MTA3: variants seen among roughly 807,000 people sequenced by gnomAD.
MTA3 encodes metastasis associated 1 family member 3, also known as metastasis-associated protein MTA3.
MTA3 carries 34 observed loss-of-function variants against 83.5 expected under a neutral mutation model. That is an observed-to-expected ratio of 0.41 (90% CI 0.31 to 0.54). The LOEUF (loss-of-function observed/expected upper bound fraction) is 0.54. Ranked by LOEUF, MTA3 falls within the 20% of genes least tolerant of loss-of-function variation. The probability of loss-of-function intolerance (pLI) is 0.33; values close to 1 mark genes in which losing one functional copy is unlikely to be tolerated. For synonymous variants in MTA3, 303 were observed against 252.7 expected, an observed-to-expected ratio of 1.20 and a Z score of -1.89; for missense variants, 761 against 726.4, an observed-to-expected ratio of 1.05 and a Z score of -0.55.
chr2:42,550,229 C>T (rs1677051528), intron 2 of MTA3, among the ~76,000 whole-genome samples: 2 of 152,170 alleles, frequency 1.3e-5, no homozygotes, highest in African/African-American at 2.4e-5. Context: ...TGCTGTCACA[C>T]CTCAACCTGC....
intron 16 of MTA3, among the ~76,000 whole-genome samples, chr2:42,747,508 G>A (rs148920959): frequency 6.6e-6 from 1 of 151,954 alleles, no homozygotes; most frequent in Non-Finnish European, 1.5e-5. Context: ...CAGGTGAAAG[G>A]GGGGCAGGAG....
At chr2:42,589,109 T>G (rs1257085991) in intron 3 of MTA3, among the ~76,000 whole-genome samples, 2 of 152,184 alleles carry the variant, frequency 1.3e-5, no homozygotes, top group East Asian at 3.8e-4. Context: ...AGATTTTGAT[T>G]GAATGACTAG....
chr2:42,530,394 G>A (rs1675906257), intron 2 of MTA3, among the ~76,000 whole-genome samples: 1 of 152,076 alleles, frequency 6.6e-6, no homozygotes, highest in Admixed American at 6.6e-5. Flanking sequence ...GGCTGAGGCT[G>A]GAGAATGGCG....
At chr2:42,574,752 G>A (rs1678864570) in intron 2 of MTA3, among the ~76,000 whole-genome samples, 1 of 152,154 alleles carries the variant, frequency 6.6e-6, no homozygotes, top group African/African-American at 2.4e-5. Context: ...TGTAGACGTG[G>A]TCTTACTGTG....
chr2:42,625,175 GCGCCCGCCACCATGC>G (rs1413251999), intron 4 of MTA3, among the ~76,000 whole-genome samples: 6 of 151,830 alleles, frequency 4.0e-5, no homozygotes, highest in African/African-American at 1.5e-4. Flanking sequence ...GGGATTACAG[GCGCCCGCCACCATGC>G]CTGTCTAATT....
chr2:42,621,046 T>C (rs910463328), intron 4 of MTA3, among the ~76,000 whole-genome samples: 2 of 151,310 alleles, frequency 1.3e-5, no homozygotes, highest in Non-Finnish European at 3.0e-5. Flanking sequence ...ATACAATTTT[T>C]ATTTGTCAGT....
chr2:42,701,557 A>C (rs1419488949), intron 11 of MTA3, among the ~76,000 whole-genome samples: 4 of 152,058 alleles, frequency 2.6e-5, no homozygotes, highest in African/African-American at 9.7e-5. Flanking sequence ...TGATCACACC[A>C]CTACACACCA....
chr2:42,582,217 C>G (rs1318175415), intron 3 of MTA3, among the ~76,000 whole-genome samples: 1 of 152,088 alleles, frequency 6.6e-6, no homozygotes, highest in Non-Finnish European at 1.5e-5. Flanking sequence ...GCCACCACGC[C>G]CGGCTAATTT....
chr2:42,661,699 A>G (rs1195859661), intron 8 of MTA3, among the ~76,000 whole-genome samples: 1 of 152,130 alleles, frequency 6.6e-6, no homozygotes, highest in African/African-American at 2.4e-5. Flanking sequence ...CATTACCCAG[A>G]GTAGAATGTT....
In MTA3 at chr2:42,708,813, A is replaced by G. The variant is rs539783070; in HGVS notation, c.1303-61A>G. ...GCACTTTTCTTTTGAGCATGATGCA[A>G]ACAGTAACGTGTTTGGGCAAGTTCA... On this transcript the variant is annotated intron_variant, in intron 13 of 16. Transcript: ENST00000405094. The G allele has an allele frequency of 3.9e-4, 607 of 1,562,650 alleles. 3 individuals are homozygous for G. In the Middle Eastern group the frequency reaches 3.9e-3, roughly 10 times the overall value.
intron 14 of MTA3, among the ~76,000 whole-genome samples, chr2:42,714,189 C>CT (rs1247577852): frequency 6.6e-6 from 1 of 152,114 alleles, no homozygotes; most frequent in Non-Finnish European, 1.5e-5. Flanking sequence ...CATTTATCTC[C>CT]TTTTCTGTCA....
At chr2:42,513,736 C>T (rs1036257654) in intron 2 of MTA3, among the ~76,000 whole-genome samples, 2 of 152,168 alleles carry the variant, frequency 1.3e-5, no homozygotes, top group African/African-American at 4.8e-5. Flanking sequence ...CTCAGTGAGC[C>T]GGGAATGAGG....
At chr2:42,732,066 G>C (rs1269679235) in intron 16 of MTA3, among the ~76,000 whole-genome samples, 1 of 152,198 alleles carries the variant, frequency 6.6e-6, no homozygotes, top group African/African-American at 2.4e-5. Context: ...AGTGTAAACT[G>C]TTGGTGGATC....
At chr2:42,633,488 A>T (rs2104267984) in intron 4 of MTA3, among the ~76,000 whole-genome samples, 1 of 152,226 alleles carries the variant, frequency 6.6e-6, no homozygotes. Flanking sequence ...CTGAGGTGGG[A>T]GGATCACTTG....
chr2:42,679,576 G>T (rs1573592851), intron 8 of MTA3, among the ~76,000 whole-genome samples: 1 of 152,318 alleles, frequency 6.6e-6, no homozygotes. Context: ...AGAGTTATTT[G>T]TTCCACATTA....
intron 2 of MTA3, among the ~76,000 whole-genome samples, chr2:42,499,961 GAA>G (rs929451419): frequency 1.4e-5 from 2 of 138,190 alleles, no homozygotes; most frequent in Non-Finnish European, 1.6e-5. Flanking sequence ...TTTCTTTTTT[GAA>G]AAAAAAAAAA....
intron 15 of MTA3, among the ~76,000 whole-genome samples, chr2:42,721,674 G>T (rs1450619403): frequency 6.6e-6 from 1 of 152,134 alleles, no homozygotes; most frequent in African/African-American, 2.4e-5. Context: ...CCTACCTGAA[G>T]AAAGTAATAG....
At chr2:42,726,482 C>T (rs545198062) in intron 16 of MTA3, among the ~76,000 whole-genome samples, 26 of 152,070 alleles carry the variant, frequency 1.7e-4, no homozygotes, top group Admixed American at 4.6e-4. Flanking sequence ...ATTAGGTATA[C>T]CTCCTAATGC....
intron 3 of MTA3, among the ~76,000 whole-genome samples, chr2:42,603,202 C>T (rs926447682): frequency 1.2e-4 from 18 of 151,374 alleles, no homozygotes; most frequent in African/African-American, 3.9e-4. Context: ...ATGTATAAGC[C>T]GTGAAAGTTT....
Sources: allele counts gnomAD v4.1 joint callset (sites outside exome capture counted in the v4.1 genomes callset), GRCh38; gene constraint gnomAD v4.1.1; transcripts MANE v1.5; gene names NCBI Gene and HGNC (gene_info 2026-07-23, HGNC 2026-07-21).